The following CSMD1 variants were observed in gnomAD, a reference collection of about 807,000 sequenced individuals.
CSMD1 encodes the protein CUB and sushi domain-containing protein 1.
CSMD1 carries 213 observed loss-of-function variants against 417.5 expected under a neutral mutation model. The ratio of observed to expected loss-of-function variants is 0.51; its 90% CI spans 0.46 to 0.57. CSMD1 has a LOEUF of 0.57. Among genes scored for constraint, CSMD1 ranks in the 20% least tolerant of loss-of-function variants. CSMD1 has a pLI of 0.00. For synonymous variants in CSMD1, 2,862 were observed against 1,736.8 expected, an observed-to-expected ratio of 1.65 and a Z score of -16.11; for missense variants, 6,923 against 4,529.7, an observed-to-expected ratio of 1.53 and a Z score of -15.17.
chr8:3,728,082 C>G lies in CSMD1; in HGVS notation c.932-19591G>C, dbSNP rs142575930. ...GTTTGGCTATGACAGTGTCCGCACC[C>G]AAATCTCATCTTGAATTGTAGCTCC... On this transcript the variant is annotated intron_variant, in intron 6 of 69. Transcript: ENST00000635120. Among the ~76,000 whole-genome samples the G allele has an allele frequency of 5.3e-5, 8 of 152,248 alleles. No individual in the cohort carries two copies. The East Asian group carries it at 5.8e-4, about 11-fold the overall frequency.
chr8:3,612,714 G>A (rs1030261536), intron 8 of CSMD1, among the ~76,000 whole-genome samples: 2 of 152,190 alleles, frequency 1.3e-5, no homozygotes, highest in East Asian at 1.9e-4. Flanking sequence ...AAAATAGAAT[G>A]TAATTCAAGC....
intron 26 of CSMD1, among the ~76,000 whole-genome samples, chr8:3,236,249 A>T (rs1799147484): frequency 6.6e-6 from 1 of 152,128 alleles, no homozygotes; most frequent in African/African-American, 2.4e-5. Context: ...ATAATTATAT[A>T]TACATTTAGA....
intron 25 of CSMD1, among the ~76,000 whole-genome samples, chr8:3,296,301 A>G (rs1026535116): frequency 6.6e-6 from 1 of 151,726 alleles, no homozygotes; most frequent in Non-Finnish European, 1.5e-5. Context: ...GCCCCACGTA[A>G]GGGGCATACC....
intron 2 of CSMD1, among the ~76,000 whole-genome samples, chr8:4,554,850 G>T (rs1005524631): frequency 1.2e-4 from 18 of 152,268 alleles, no homozygotes; most frequent in African/African-American, 4.1e-4. Flanking sequence ...GGGGTTAAAA[G>T]CTGAAGATAA....
chr8:4,662,025 G>A (rs770730544), intron 1 of CSMD1, among the ~76,000 whole-genome samples: 1 of 151,988 alleles, frequency 6.6e-6, no homozygotes, highest in Non-Finnish European at 1.5e-5. Context: ...ATTATATCAT[G>A]GACATACACA....
intron 2 of CSMD1, among the ~76,000 whole-genome samples, chr8:4,447,283 G>T (rs1798872084): frequency 2.0e-5 from 3 of 152,162 alleles, no homozygotes; most frequent in African/African-American, 7.2e-5. Flanking sequence ...GCAAATCAAA[G>T]TCTGAGGCAG....
At chr8:3,641,251 C>G (rs1025142532) in intron 7 of CSMD1, among the ~76,000 whole-genome samples, 1 of 151,996 alleles carries the variant, frequency 6.6e-6, no homozygotes, top group African/African-American at 2.4e-5. Flanking sequence ...TCATGGGTCC[C>G]TGAGCAAATC....
chr8:3,066,090 A>G (rs7841279), intron 49 of CSMD1, among the ~76,000 whole-genome samples: 94,915 of 152,052 alleles, frequency 0.62, 30,921 homozygotes, highest in Admixed American at 0.73. Flanking sequence ...CAATTAGAGA[A>G]ATTGCCAAAG....
At chr8:3,150,134 T>G (rs1232530108) in intron 40 of CSMD1, among the ~76,000 whole-genome samples, 1 of 152,180 alleles carries the variant, frequency 6.6e-6, no homozygotes, top group East Asian at 1.9e-4. Context: ...CATTTAGCCC[T>G]GGCAGAATCA....
intron 11 of CSMD1, among the ~76,000 whole-genome samples, chr8:3,475,287 T>G (rs1428770927): frequency 6.6e-6 from 1 of 152,192 alleles, no homozygotes; most frequent in Non-Finnish European, 1.5e-5. Context: ...CTGAGCTCTC[T>G]GGGTGCAATT....
At chr8:4,457,503 T>A in intron 2 of CSMD1, among the ~76,000 whole-genome samples, 1 of 152,116 alleles carries the variant, frequency 6.6e-6, no homozygotes, top group East Asian at 1.9e-4. Flanking sequence ...TAAGAAATGA[T>A]CATCTGGACA....
chr8:3,248,770 G>A (rs886229162), intron 26 of CSMD1, among the ~76,000 whole-genome samples: 1 of 151,884 alleles, frequency 6.6e-6, no homozygotes, highest in African/African-American at 2.4e-5. Context: ...TTTTGCAAAC[G>A]TGTCCATAGC....
chr8:4,206,369 G>A (rs370648468), intron 3 of CSMD1, among the ~76,000 whole-genome samples: 76 of 151,684 alleles, frequency 5.0e-4, no homozygotes, highest in East Asian at 3.1e-3. Flanking sequence ...CACAGGCCCC[G>A]GTATGTCATA....
intron 2 of CSMD1, among the ~76,000 whole-genome samples, chr8:4,487,338 C>A (rs1801468729): frequency 6.6e-6 from 1 of 152,086 alleles, no homozygotes; most frequent in Non-Finnish European, 1.5e-5. Flanking sequence ...ACAACAGTCC[C>A]CAGAGTGTGA....
At chr8:3,565,215 G>GATAGATAGATAGATAGATAGATAGAT (rs58029640) in intron 10 of CSMD1, among the ~76,000 whole-genome samples, 14 of 139,284 alleles carry the variant, frequency 1.0e-4, no homozygotes, top group African/African-American at 3.7e-4. Flanking sequence ...GATAGATAGA[G>GATAGATAGATAGATAGATAGATAGAT]AGATAGACAG....
intron 1 of CSMD1, among the ~76,000 whole-genome samples, chr8:4,778,035 G>T (rs1311029457): frequency 6.6e-6 from 1 of 152,138 alleles, no homozygotes; most frequent in Non-Finnish European, 1.5e-5. Flanking sequence ...GATGGTAGTG[G>T]AGAGTTAAAA....
At chr8:4,639,445 T>C (rs867212299) in intron 1 of CSMD1, among the ~76,000 whole-genome samples, 2 of 152,146 alleles carry the variant, frequency 1.3e-5, no homozygotes, top group Non-Finnish European at 2.9e-5. Context: ...GGGAATAGGA[T>C]AACCCACTCA....
At chr8:4,596,290 T>C (rs1022194795) in intron 2 of CSMD1, among the ~76,000 whole-genome samples, 1 of 152,176 alleles carries the variant, frequency 6.6e-6, no homozygotes, top group Admixed American at 6.5e-5. Context: ...AAGGGAGAGA[T>C]GCTTAACCCA....
At chr8:4,039,144 A>T (rs949101257) in intron 3 of CSMD1, among the ~76,000 whole-genome samples, 1 of 152,236 alleles carries the variant, frequency 6.6e-6, no homozygotes, top group Non-Finnish European at 1.5e-5. Flanking sequence ...CATTTTCAAC[A>T]GCATGTGTAC....
Sources: allele counts gnomAD v4.1 joint callset (sites outside exome capture counted in the v4.1 genomes callset), GRCh38; gene constraint gnomAD v4.1.1; transcripts MANE v1.5; gene names NCBI Gene and HGNC (gene_info 2026-07-23, HGNC 2026-07-21).